CADPS2: variants seen among roughly 807,000 people sequenced by gnomAD.
CADPS2 encodes the protein calcium-dependent secretion activator 2.
Under a neutral mutation model 172.5 loss-of-function variants are expected in CADPS2, and 93 were observed. That is an observed-to-expected ratio of 0.54 (90% confidence interval 0.46 to 0.64). The LOEUF (loss-of-function observed/expected upper bound fraction) is 0.64. Among genes scored for constraint, CADPS2 ranks in the 30% least tolerant of loss-of-function variants. The probability of loss-of-function intolerance (pLI) is 0.00; values close to 1 mark genes in which losing one functional copy is unlikely to be tolerated. For missense variants in CADPS2, 1,420 were observed against 1,565.9 expected (o/e 0.91, Z 1.57); for synonymous variants, 546 against 555.2 (o/e 0.98, Z 0.23).
chr7:122,656,051 C>G (rs1588165510), intron 3 of CADPS2, among the ~76,000 whole-genome samples: 1 of 152,224 alleles, frequency 6.6e-6, no homozygotes, highest in Middle Eastern at 3.4e-3. Flanking sequence ...TCCAGAAAGA[C>G]ACAGCACTTG....
chr7:122,751,914 G>A (rs189339386), intron 1 of CADPS2, among the ~76,000 whole-genome samples: 2 of 152,264 alleles, frequency 1.3e-5, no homozygotes, highest in Admixed American at 6.5e-5. Context: ...ATAGGGCCAG[G>A]TCAAGTCCTT....
intron 14 of CADPS2, among the ~76,000 whole-genome samples, chr7:122,462,836 C>T (rs1221243848): frequency 6.6e-6 from 1 of 152,090 alleles, no homozygotes; most frequent in Non-Finnish European, 1.5e-5. Flanking sequence ...AGCCTTGGGC[C>T]AGGCACAGTG....
chr7:122,645,452 T>A (rs1476966007), intron 3 of CADPS2, among the ~76,000 whole-genome samples: 2 of 88,168 alleles, frequency 2.3e-5, no homozygotes, highest in Middle Eastern at 5.9e-3. Context: ...TACACACACA[T>A]ATGTATATAT....
intron 1 of CADPS2, among the ~76,000 whole-genome samples, chr7:122,825,633 C>T (rs1804668372): frequency 6.6e-6 from 1 of 152,120 alleles, no homozygotes; most frequent in Admixed American, 6.5e-5. Flanking sequence ...ATTGTTTTGA[C>T]TCTGAAAACA....
chr7:122,638,214 CTA>C (rs958144075), intron 3 of CADPS2, among the ~76,000 whole-genome samples: 3 of 152,146 alleles, frequency 2.0e-5, no homozygotes, highest in African/African-American at 4.8e-5. Flanking sequence ...GTAGACAAGA[CTA>C]TACCCTTTCT....
At chr7:122,357,031 G>A (rs1483863453) in intron 27 of CADPS2, among the ~76,000 whole-genome samples, 1 of 152,146 alleles carries the variant, frequency 6.6e-6, no homozygotes, top group Non-Finnish European at 1.5e-5. Context: ...AAATGTATGT[G>A]AGCACATTAA....
intron 7 of CADPS2, among the ~76,000 whole-genome samples, chr7:122,557,894 T>C (rs1174267718): frequency 6.6e-6 from 1 of 152,212 alleles, no homozygotes; most frequent in Non-Finnish European, 1.5e-5. Context: ...AAAGGTGACA[T>C]GTGTCACCTT....
intron 17 of CADPS2, among the ~76,000 whole-genome samples, chr7:122,436,572 G>A (rs1018627795): frequency 6.6e-6 from 1 of 151,832 alleles, no homozygotes; most frequent in African/African-American, 2.4e-5. Flanking sequence ...AAACATGGAA[G>A]TTTTTCTCAC....
intron 5 of CADPS2, among the ~76,000 whole-genome samples, chr7:122,618,975 A>G (rs1385809663): frequency 1.3e-5 from 2 of 152,206 alleles, no homozygotes; most frequent in Non-Finnish European, 2.9e-5. Flanking sequence ...GAGGATGTCA[A>G]AACAATTTTA....
Position 122,320,018 on chromosome 7 carries a change from A to T in CADPS2, c.*147T>A, listed in dbSNP as rs1367464201. 2 of 780,634 alleles carry T rather than the reference A, an allele frequency of 2.6e-6. No homozygotes were observed. Among genetic ancestry groups the T allele is most frequent in the Non-Finnish European group, 3.6e-6 (2 of 556,590 alleles). 48.4% of individuals were successfully genotyped at this position (780,634 alleles called of 1,614,324 possible). On this transcript the variant is annotated 3_prime_UTR_variant, in exon 30 of 30. Transcript: ENST00000449022. ...CCAAAATCTTGGCATTTCCCCTTTT[A>T]CTCTACATTCAGGCTTACTTTTTAA...
At chr7:122,727,912 C>T (rs772071278) in intron 2 of CADPS2, among the ~76,000 whole-genome samples, 6 of 151,872 alleles carry the variant, frequency 4.0e-5, no homozygotes, top group Non-Finnish European at 8.8e-5. Flanking sequence ...ATCTGCAGAG[C>T]TCAGTGCAAA....
chr7:122,866,535 T>C (rs899869182), intron 1 of CADPS2, among the ~76,000 whole-genome samples: 3 of 152,102 alleles, frequency 2.0e-5, no homozygotes, highest in African/African-American at 7.2e-5. Context: ...ACCCCATCTC[T>C]ACTAAAAATA....
At chr7:122,333,682 TCTC>T (rs893562007) in intron 28 of CADPS2, among the ~76,000 whole-genome samples, 3 of 152,162 alleles carry the variant, frequency 2.0e-5, no homozygotes, top group Admixed American at 1.3e-4. Context: ...TCACCTATTT[TCTC>T]CTCCTAGAAC....
chr7:122,677,668 A>C (rs2082528081), intron 2 of CADPS2, among the ~76,000 whole-genome samples: 1 of 152,160 alleles, frequency 6.6e-6, no homozygotes, highest in Non-Finnish European at 1.5e-5. Context: ...AACAATAAAA[A>C]CCCAAAAAGC....
At position 122,474,615 on chromosome 7, in the gene CADPS2, A is replaced by T. The variant is rs376322343; in HGVS notation, c.1862-98T>A. On this transcript the variant is annotated intron_variant, in intron 12 of 29. Coordinates refer to ENST00000449022, the MANE Select transcript of CADPS2 (RefSeq NM_017954.11). ...ATACAAAATGCGTGACTCAAGCAGA[A>T]GACTACCTTTTATCACATGAAATAT... 35 of 1,112,440 alleles carry T rather than the reference A, an allele frequency of 3.1e-5. No homozygotes were observed. The African/African-American group carries it at 4.8e-4, about 15-fold the overall frequency. 68.9% of individuals were successfully genotyped at this position (1,112,440 alleles called of 1,614,324 possible).
intron 3 of CADPS2, among the ~76,000 whole-genome samples, chr7:122,648,310 T>G (rs962032668): frequency 6.6e-6 from 1 of 152,100 alleles, no homozygotes; most frequent in Non-Finnish European, 1.5e-5. Context: ...TCCCATGGTT[T>G]AAAATACTAA....
At chr7:122,424,617 T>C (rs1180265751) in intron 17 of CADPS2, among the ~76,000 whole-genome samples, 1 of 152,224 alleles carries the variant, frequency 6.6e-6, no homozygotes, top group Non-Finnish European at 1.5e-5. Context: ...AGAGAATAGA[T>C]TACTAGAACC....
intron 6 of CADPS2, among the ~76,000 whole-genome samples, chr7:122,589,542 A>G (rs1020306675): frequency 3.9e-5 from 6 of 151,970 alleles, no homozygotes; most frequent in Admixed American, 3.3e-4. Context: ...AAAGGCTTAT[A>G]TAACACTAAT....
chr7:122,481,842 C>G lies in CADPS2; in HGVS notation c.1853-982G>C, dbSNP rs557564592. Among the ~76,000 whole-genome samples, 195 of 152,204 alleles carry G rather than the reference C, an allele frequency of 1.3e-3. 2 individuals carry two copies. The South Asian group carries it at 0.017, about 13-fold the overall frequency. On this transcript the variant is annotated intron_variant, in intron 11 of 29. Transcript: ENST00000449022. Reference sequence around the variant, plus strand: ...CCTGGCCAACATGGAGAAACTCTGTCTCTACTAAAAATACAAAAATTAGGT... The same window carrying G: ...CCTGGCCAACATGGAGAAACTCTGTGTCTACTAAAAATACAAAAATTAGGT...
Sources: allele counts gnomAD v4.1 joint callset (sites outside exome capture counted in the v4.1 genomes callset), GRCh38; gene constraint gnomAD v4.1.1; transcripts MANE v1.5; gene names NCBI Gene and HGNC (gene_info 2026-07-23, HGNC 2026-07-21).